Variants in SEMA6D observed in about 807,000 individuals in gnomAD.
SEMA6D encodes semaphorin-6D.
SEMA6D carries 35 observed loss-of-function variants against 106.6 expected under a neutral mutation model. The ratio of observed to expected loss-of-function variants is 0.33; its 90% CI spans 0.25 to 0.44. The LOEUF is 0.44. Ranked by LOEUF, SEMA6D falls within the 20% of genes least tolerant of loss-of-function variation. The pLI, the probability that SEMA6D is intolerant of heterozygous loss-of-function variation, is 1.00. For synonymous variants in SEMA6D, 499 were observed against 487.7 expected (o/e 1.02, Z -0.31); for missense variants, 1,185 against 1,345.9 (o/e 0.88, Z 1.87).
intron 3 of SEMA6D, among the ~76,000 whole-genome samples, chr15:47,579,925 C>T (rs976909644): frequency 1.3e-5 from 2 of 152,100 alleles, no homozygotes; most frequent in African/African-American, 2.4e-5. Flanking sequence ...GACACATTTT[C>T]GTAGGTTCAG....
intron 4 of SEMA6D, among the ~76,000 whole-genome samples, chr15:47,653,297 C>G (rs2145011130): frequency 6.6e-6 from 1 of 152,200 alleles, no homozygotes; most frequent in African/African-American, 2.4e-5. Flanking sequence ...ATGGAATCTG[C>G]ACATAAAAAG....
intron 1 of SEMA6D, among the ~76,000 whole-genome samples, chr15:47,359,069 G>A (rs189020167): frequency 6.6e-6 from 1 of 152,152 alleles, no homozygotes; most frequent in East Asian, 1.9e-4. Context: ...GTATCTAGAT[G>A]CAGGTATTCC....
chr15:47,382,658 G>C (rs1022540766), intron 1 of SEMA6D, among the ~76,000 whole-genome samples: 1 of 152,226 alleles, frequency 6.6e-6, no homozygotes, highest in East Asian at 1.9e-4. Flanking sequence ...CTAAGACAAG[G>C]TTTCTGTCCT....
chr15:47,290,704 A>G (rs1446975429), intron 1 of SEMA6D, among the ~76,000 whole-genome samples: 3 of 152,154 alleles, frequency 2.0e-5, no homozygotes, highest in South Asian at 2.1e-4. Context: ...ACTTATTTGA[A>G]CAGTAACTGA....
chr15:47,494,744 A>T (rs1307025490), intron 3 of SEMA6D, among the ~76,000 whole-genome samples: 5 of 24,706 alleles, frequency 2.0e-4, no homozygotes, highest in African/African-American at 1.7e-3. Context: ...GGATGGAGAT[A>T]TATATATATA....
intron 1 of SEMA6D, among the ~76,000 whole-genome samples, chr15:47,382,644 A>G (rs2039683439): frequency 6.6e-6 from 1 of 152,278 alleles, no homozygotes; most frequent in South Asian, 2.1e-4. Flanking sequence ...GAATATAGAC[A>G]TGGCTAAGAC....
intron 2 of SEMA6D, among the ~76,000 whole-genome samples, chr15:47,452,933 A>G (rs1304688762): frequency 6.6e-6 from 1 of 151,956 alleles, no homozygotes; most frequent in Non-Finnish European, 1.5e-5. Flanking sequence ...TTACAGTTGA[A>G]ATTATCCCCA....
chr15:47,431,876 A>G (rs920394577), intron 2 of SEMA6D, among the ~76,000 whole-genome samples: 1 of 152,132 alleles, frequency 6.6e-6, no homozygotes, highest in Non-Finnish European at 1.5e-5. Flanking sequence ...ATAATTATAA[A>G]TAAGCCTCTT....
chr15:47,324,090 T>G (rs1187705019), intron 1 of SEMA6D, among the ~76,000 whole-genome samples: 1 of 152,112 alleles, frequency 6.6e-6, no homozygotes, highest in East Asian at 1.9e-4. Context: ...GTGTTTTGCT[T>G]GGTTTACTGT....
At chr15:47,377,169 C>A (rs757620833) in intron 1 of SEMA6D, among the ~76,000 whole-genome samples, 5 of 152,132 alleles carry the variant, frequency 3.3e-5, no homozygotes, top group Non-Finnish European at 5.9e-5. Flanking sequence ...ATAATAAAAT[C>A]TATGCAGGAT....
chr15:47,730,223 T>C (rs1161332461), intron 1 of SEMA6D: 18 of 1,535,240 alleles, frequency 1.2e-5, no homozygotes, highest in Non-Finnish European at 1.5e-5. Flanking sequence ...ATCCAGGACG[T>C]TGCCGCCCCA....
intron 2 of SEMA6D, among the ~76,000 whole-genome samples, chr15:47,460,841 A>G (rs754792332): frequency 1.3e-5 from 2 of 152,138 alleles, no homozygotes; most frequent in African/African-American, 4.8e-5. Context: ...GCACTTTAAC[A>G]TAAAACAGCA....
At chr15:47,680,453 A>G (rs1646473440) in intron 4 of SEMA6D, among the ~76,000 whole-genome samples, 1 of 152,194 alleles carries the variant, frequency 6.6e-6, no homozygotes, top group Non-Finnish European at 1.5e-5. Context: ...TTATTATACA[A>G]GAACATAGGT....
At chr15:47,414,998 A>T (rs1179048266) in intron 2 of SEMA6D, among the ~76,000 whole-genome samples, 2 of 152,190 alleles carry the variant, frequency 1.3e-5, no homozygotes, top group Non-Finnish European at 2.9e-5. Flanking sequence ...TTAGCTGGAG[A>T]TAAAATAATA....
chr15:47,212,549 A>G (rs1054246275), intron 1 of SEMA6D, among the ~76,000 whole-genome samples: 1 of 152,222 alleles, frequency 6.6e-6, no homozygotes, highest in Non-Finnish European at 1.5e-5. Context: ...TAGTTATGGC[A>G]ATTCAAGCAT....
intron 1 of SEMA6D, among the ~76,000 whole-genome samples, chr15:47,247,979 C>G (rs568153787): frequency 6.6e-6 from 1 of 152,194 alleles, no homozygotes; most frequent in East Asian, 1.9e-4. Flanking sequence ...AGGTTCAAAT[C>G]TATAAAACAT....
intron 1 of SEMA6D, among the ~76,000 whole-genome samples, chr15:47,345,401 C>T (rs1158731569): frequency 2.0e-5 from 3 of 152,032 alleles, no homozygotes; most frequent in Non-Finnish European, 4.4e-5. Context: ...AGTAGATCTG[C>T]TCATGTATGG....
intron 9 of SEMA6D, 41 bp from the exon 10 acceptor site, chr15:47,763,809 A>G: frequency 6.5e-7 from 1 of 1,545,328 alleles, no homozygotes; most frequent in Non-Finnish European, 8.9e-7. Flanking sequence ...ATTCCTTTCC[A>G]TGCTCATAAC....
rs974919373 is a variant in SEMA6D, at chr15:47,343,379, T to C, written c.-238-69014T>C. ...CATTAACTCGTCATTTAGCGTTAGGTATATCTCCTAATGCTATCCCTCCCC... is the reference window on the plus strand; with the variant it reads ...CATTAACTCGTCATTTAGCGTTAGGCATATCTCCTAATGCTATCCCTCCCC... On this transcript the variant is annotated intron_variant, in intron 1 of 19. Transcript: ENST00000558014. Among the ~76,000 whole-genome samples the C allele has an allele frequency of 2.0e-5, 3 of 151,976 alleles. No individual in the cohort carries two copies. In the South Asian group the frequency reaches 6.2e-4, roughly 32 times the overall value.
Sources: gnomAD v4.1 joint callset for allele counts (sites outside exome capture counted in the v4.1 genomes callset) on GRCh38, gnomAD v4.1.1 for gene constraint, MANE v1.5 for transcripts, NCBI Gene and HGNC (gene_info 2026-07-23, HGNC 2026-07-21) for gene names.